The following PKHD1 variants were observed in gnomAD, a reference collection of about 807,000 sequenced individuals.
PKHD1 encodes PKHD1 ciliary IPT domain containing fibrocystin/polyductin.
Under a neutral mutation model 412.0 loss-of-function variants are expected in PKHD1, and 291 were observed. That is an observed-to-expected ratio of 0.71 (90% CI 0.64 to 0.78). The LOEUF is 0.78. PKHD1 is among the 30% of genes least tolerant of loss of function. The pLI, the probability that PKHD1 is intolerant of heterozygous loss-of-function variation, is 0.00. For missense variants in PKHD1, 4,825 were observed against 4,950.7 expected, an observed-to-expected ratio of 0.97 and a Z score of 0.76; for synonymous variants, 1,777 against 1,821.5, an observed-to-expected ratio of 0.98 and a Z score of 0.62.
rs772185872 is a variant in PKHD1 at position 51,748,602 on chromosome 6, T to A, written c.9014A>T (p.Glu3005Val). 6.2e-7 allele frequency: 1 copy of A among 1,613,590 alleles called. No individual in the cohort carries two copies. Among genetic ancestry groups the A allele is most frequent in the Non-Finnish European group, 8.5e-7 (1 of 1,179,694 alleles). ...NFGSPLYSSV[E>V]FSNVSAGSWI... is the part of the protein sequence containing the mutation. The stretch of plus-strand genomic sequence containing the variant: ...GGATCCTGCTGACACATTACTGAAT[T>A]CAACAGATGAGTACAATGGTGACCC... The change falls in exon 58 of 67, where the codon GAA (glutamate) becomes GTA (valine). Residue 3005 changes from glutamate to valine, a missense_variant. Coordinates refer to ENST00000371117, the MANE Select transcript of PKHD1 (RefSeq NM_138694.4).
intron 40 of PKHD1, among the ~76,000 whole-genome samples, chr6:51,906,858 T>C (rs1331767726): frequency 6.6e-6 from 1 of 152,142 alleles, no homozygotes; most frequent in African/African-American, 2.4e-5. Flanking sequence ...GACTCTCACA[T>C]TTGAACTGGA....
chr6:51,710,636 T>C (rs936000484), intron 60 of PKHD1, among the ~76,000 whole-genome samples: 5 of 152,160 alleles, frequency 3.3e-5, no homozygotes, highest in African/African-American at 1.2e-4. Context: ...ATTAAACATA[T>C]ATATCTATTA....
intron 27 of PKHD1, among the ~76,000 whole-genome samples, chr6:52,038,667 G>T (rs1401713736): frequency 2.0e-5 from 3 of 152,104 alleles, no homozygotes; most frequent in Admixed American, 2.0e-4. Context: ...CTCAGTTTGT[G>T]GTACCTGATT....
Position 51,960,027 on chromosome 6 carries a change from C to A in PKHD1, c.5752-1G>T. ...GGCAGAACTGTAAAGAAAAGTTGCC[C>A]TGGAAAACAGAGAGCTGGGTTGGTG... On this transcript the variant is annotated splice_acceptor_variant, in intron 35 of 66. Coordinates refer to ENST00000371117, the MANE Select transcript of PKHD1 (RefSeq NM_138694.4). LOFTEE classifies it high-confidence loss of function. The A allele has an allele frequency of 6.2e-7, 1 of 1,613,118 alleles. No homozygotes were observed.
chr6:52,063,980 AAC>A (rs1184134507), intron 13 of PKHD1, among the ~76,000 whole-genome samples: 1 of 152,268 alleles, frequency 6.6e-6, no homozygotes, highest in Non-Finnish European at 1.5e-5. Context: ...CCTGACAGGA[AAC>A]ACACATTATC....
chr6:51,763,962 T>TAA (rs200356202), intron 55 of PKHD1, among the ~76,000 whole-genome samples: 1 of 149,244 alleles, frequency 6.7e-6, no homozygotes, highest in Non-Finnish European at 1.5e-5. Context: ...TTTTTTTTTT[T>TAA]ATTATACTTT....
chr6:51,660,711 C>T (rs149491747), intron 60 of PKHD1, among the ~76,000 whole-genome samples: 13 of 152,188 alleles, frequency 8.5e-5, no homozygotes, highest in East Asian at 1.9e-4. Context: ...ATGGAAGAGA[C>T]GCATAGGACA....
At chr6:51,901,705 A>G (rs1472193952) in intron 43 of PKHD1, among the ~76,000 whole-genome samples, 1 of 144,890 alleles carries the variant, frequency 6.9e-6, no homozygotes, top group Non-Finnish European at 1.5e-5. Flanking sequence ...AAAAAAAAAA[A>G]GAACTTTAAG....
Position 51,780,142 on chromosome 6 carries a change from C to T in PKHD1, c.8441-4221G>A, listed in dbSNP as rs543870590. Among the ~76,000 whole-genome samples the T allele has an allele frequency of 5.9e-5, 9 of 152,190 alleles. No homozygotes were observed. In the South Asian group the frequency reaches 1.7e-3, roughly 28 times the overall value. On this transcript the variant is annotated intron_variant, in intron 53 of 66. Coordinates refer to ENST00000371117, the MANE Select transcript of PKHD1 (RefSeq NM_138694.4). The stretch of plus-strand genomic sequence containing the variant: ...GTGGCTCATTCCTGTAATCCCAGCA[C>T]TCTGGGAGGCCGAGGCAGGCAGATC...
intron 43 of PKHD1, among the ~76,000 whole-genome samples, chr6:51,889,394 T>G (rs1329714572): frequency 6.6e-6 from 1 of 152,236 alleles, no homozygotes; most frequent in East Asian, 1.9e-4. Flanking sequence ...GAGCATCCCC[T>G]TGGAACAGTT....
intron 61 of PKHD1, among the ~76,000 whole-genome samples, chr6:51,651,067 G>A (rs1770880584): frequency 6.6e-6 from 1 of 152,106 alleles, no homozygotes; most frequent in African/African-American, 2.4e-5. Flanking sequence ...CCCCATCAAA[G>A]ATTCTCACAT....
intron 60 of PKHD1, among the ~76,000 whole-genome samples, chr6:51,700,899 A>T (rs924077404): frequency 6.6e-6 from 1 of 152,054 alleles, no homozygotes; most frequent in African/African-American, 2.4e-5. Flanking sequence ...AGTCCACCCT[A>T]ATTGATTGCA....
At position 51,981,371 on chromosome 6, in the gene PKHD1, C is replaced by G. The variant is rs4715266; in HGVS notation, c.5752-21345G>C. On this transcript the variant is annotated intron_variant, in intron 35 of 66. Coordinates refer to ENST00000371117, the MANE Select transcript of PKHD1 (RefSeq NM_138694.4). ...CCTCTCCCTCTCCCTCTCCCTCTCC[C>G]TCCACGGTCTCCCTCTGATGCCGAG... 2.5e-3 allele frequency among the ~76,000 whole-genome samples: 212 copies of G among 84,440 alleles called. 1 individual carries two copies. Among genetic ancestry groups the G allele is most frequent in the Middle Eastern group, 8.7e-3 (2 of 230 alleles). The allele number at this position is 84,440 out of a possible 152,430, so 55.4% of individuals were successfully genotyped here.
chr6:51,725,870 A>G (rs1347327246), intron 60 of PKHD1, among the ~76,000 whole-genome samples: 1 of 152,204 alleles, frequency 6.6e-6, no homozygotes, highest in Admixed American at 6.5e-5. Flanking sequence ...GAAGGTGAGC[A>G]TAATTCATTG....
intron 51 of PKHD1, among the ~76,000 whole-genome samples, chr6:51,836,083 C>T (rs1282628860): frequency 6.6e-6 from 1 of 152,080 alleles, no homozygotes. Flanking sequence ...ATTTTTCTTT[C>T]CATTTGGAGG....
At chr6:52,026,254 G>A in intron 31 of PKHD1, 73 bp from the exon 32 acceptor site, 1 of 1,417,100 alleles carries the variant, frequency 7.1e-7, no homozygotes, top group South Asian at 1.2e-5. Context: ...ACCTGTGGAA[G>A]TCCTAGGTCA....
chr6:51,666,884 T>G (rs1294242739), intron 60 of PKHD1, among the ~76,000 whole-genome samples: 2 of 152,134 alleles, frequency 1.3e-5, no homozygotes, highest in Non-Finnish European at 2.9e-5. Context: ...TCATCACATT[T>G]TATGGCTCCA....
At chr6:51,940,240 C>T (rs1788264231) in intron 36 of PKHD1, among the ~76,000 whole-genome samples, 1 of 151,612 alleles carries the variant, frequency 6.6e-6, no homozygotes, top group African/African-American at 2.4e-5. Context: ...TAAATTCCGG[C>T]CCTCAAACCC....
At chr6:51,941,411 G>A (rs1248629713) in intron 36 of PKHD1, among the ~76,000 whole-genome samples, 5 of 148,638 alleles carry the variant, frequency 3.4e-5, no homozygotes, top group South Asian at 2.1e-4. Flanking sequence ...GCCCGCCACC[G>A]CGCCCGGCTA....
Sources: gnomAD v4.1 joint callset for allele counts (sites outside exome capture counted in the v4.1 genomes callset) on GRCh38, gnomAD v4.1.1 for gene constraint, MANE v1.5 for transcripts, NCBI Gene and HGNC (gene_info 2026-07-23, HGNC 2026-07-21) for gene names.